Variants in NUP153 observed in about 807,000 individuals in gnomAD.
The protein encoded by NUP153 is nuclear pore complex protein Nup153.
NUP153 carries 27 observed loss-of-function variants against 134.6 expected under a neutral mutation model. That is an observed-to-expected ratio of 0.20 (90% CI 0.15 to 0.28). The LOEUF (loss-of-function observed/expected upper bound fraction) is 0.28, where lower values mean the gene tolerates loss of function less well. Ranked by LOEUF, NUP153 falls within the 10% of genes least tolerant of loss-of-function variation. The pLI, the probability that NUP153 is intolerant of heterozygous loss-of-function variation, is 1.00. For synonymous variants in NUP153, 640 were observed against 623.5 expected, an observed-to-expected ratio of 1.03 and a Z score of -0.40; for missense variants, 1,821 against 1,731.3, an observed-to-expected ratio of 1.05 and a Z score of -0.92.
Position 17,624,455 on chromosome 6 carries a change from G to T in NUP153, c.4174+106C>A. 2 of 1,084,264 alleles carry T rather than the reference G, an allele frequency of 1.8e-6. 1 individual carries two copies. Among genetic ancestry groups the T allele is most frequent in the Non-Finnish European group, 2.7e-6 (2 of 741,538 alleles). The allele number at this position is 1,084,264 out of a possible 1,614,324, so 67.2% of individuals were successfully genotyped here. A position where few individuals can be genotyped will look rare whatever the true frequency, so the allele number is the denominator to read the frequency against. On this transcript the variant is annotated intron_variant, in intron 20 of 21. Transcript: ENST00000262077. ...TACCTCTCTATTCTGCCAAGTACAA[G>T]AGATAATTTTAAAATTAGACATATG...
At chr6:17,684,827 A>G (rs1768811926) in intron 2 of NUP153, among the ~76,000 whole-genome samples, 2 of 152,230 alleles carry the variant, frequency 1.3e-5, no homozygotes, top group African/African-American at 2.4e-5. Context: ...AGGCCCAGAA[A>G]GAGGGAGAAA....
At chr6:17,673,262 A>G (rs775990436) in intron 5 of NUP153, among the ~76,000 whole-genome samples, 6 of 152,032 alleles carry the variant, frequency 3.9e-5, no homozygotes, top group Non-Finnish European at 8.8e-5. Flanking sequence ...CCAGCTACTC[A>G]GGAGGCTGAC....
Position 17,637,148 on chromosome 6 carries a change from C to T in NUP153, c.2464+5G>A, listed in dbSNP as rs201774934. 1,335 of 1,597,178 alleles carry T rather than the reference C, an allele frequency of 8.4e-4. 2 individuals carry two copies. The highest frequency in any genetic ancestry group is 1.0e-3 in the Non-Finnish European group (1,204 of 1,168,246). On this transcript the variant is annotated splice_donor_5th_base_variant and intron_variant, in intron 16 of 21. Coordinates refer to ENST00000262077, the MANE Select transcript of NUP153 (RefSeq NM_005124.4). Reference sequence around the variant, plus strand: ...CAAAATTACTCCATAAAGCCAAAAACATACCTGGTTTCTCAGACATACAGG... The same window carrying T: ...CAAAATTACTCCATAAAGCCAAAAATATACCTGGTTTCTCAGACATACAGG...
chr6:17,654,861 G>A (rs1766717931), intron 11 of NUP153, among the ~76,000 whole-genome samples: 1 of 146,484 alleles, frequency 6.8e-6, no homozygotes, highest in African/African-American at 2.4e-5. Flanking sequence ...AAGTAAGGCA[G>A]GGAGATATAT....
intron 5 of NUP153, among the ~76,000 whole-genome samples, chr6:17,672,674 T>TA (rs561562138): frequency 3.0e-4 from 46 of 151,760 alleles, no homozygotes; most frequent in Non-Finnish European, 4.9e-4. Context: ...ACCCATATGT[T>TA]AAAAAAACAA....
intron 11 of NUP153, among the ~76,000 whole-genome samples, chr6:17,660,656 A>C (rs79237983): frequency 6.6e-6 from 1 of 152,080 alleles, no homozygotes; most frequent in African/African-American, 2.4e-5. Flanking sequence ...AGAAAACTCA[A>C]ATGTCCAAAA....
chr6:17,706,708 C>G lies in NUP153; in HGVS notation c.-321G>C, dbSNP rs1770527501. ...GCAGAGGACAGCACGAACAGTTCCC[C>G]GCGGTGCTGAGGCCTAACTCGACCG... On this transcript the variant is annotated 5_prime_UTR_variant, in exon 1 of 22. Coordinates refer to ENST00000262077, the MANE Select transcript of NUP153 (RefSeq NM_005124.4). This position sits in a 1 kb window ranked among gnomAD's most constrained non-coding sequence, Gnocchi z 5.9. The G allele has an allele frequency of 7.9e-6, 3 of 378,082 alleles. No individual in the cohort carries two copies. Among genetic ancestry groups the G allele is most frequent in the Non-Finnish European group, 1.4e-5 (3 of 206,934 alleles). 23.4% of individuals were successfully genotyped at this position (378,082 alleles called of 1,614,324 possible).
intron 9 of NUP153, among the ~76,000 whole-genome samples, chr6:17,663,833 T>C (rs545250088): frequency 6.6e-6 from 1 of 152,304 alleles, no homozygotes; most frequent in Non-Finnish European, 1.5e-5. Flanking sequence ...ACCCAGATTA[T>C]GGGACATTTT....
Position 17,661,744 on chromosome 6 carries a change from G to A in NUP153, c.1304C>T (p.Ala435Val), listed in dbSNP as rs1767198208. Residue 435 changes from alanine to valine, a missense_variant, in exon 11 of 22, where the codon GCC becomes GTC. By Grantham distance (64) the Ala-to-Val change is moderately conservative. Coordinates refer to ENST00000262077, the MANE Select transcript of NUP153 (RefSeq NM_005124.4). ...ACCTACTCCAGAAGATAAACCATTG[G>A]CTGCAGGCAAACTGAAATTTGGATA... The part of the protein sequence containing the change: ...FSYPNFSLPA[A>V]NGLSSGVGGG... 1.2e-6 allele frequency: 2 copies of A among 1,612,484 alleles called. No homozygotes were observed. Among genetic ancestry groups the A allele is most frequent in the Non-Finnish European group, 1.7e-6 (2 of 1,179,580 alleles).
intron 14 of NUP153, among the ~76,000 whole-genome samples, chr6:17,641,707 T>G (rs970562452): frequency 6.6e-6 from 1 of 151,620 alleles, no homozygotes; most frequent in Non-Finnish European, 1.5e-5. Flanking sequence ...CAAAACAAAT[T>G]AGCCGGGCGT....
intron 18 of NUP153, 138 bp from the exon 19 acceptor site, chr6:17,626,302 T>C (rs747512411): frequency 1.6e-6 from 1 of 626,432 alleles, no homozygotes; most frequent in Non-Finnish European, 2.8e-6. Flanking sequence ...GATTACTTCA[T>C]CAAATGGACA....
At position 17,638,015 on chromosome 6, in the gene NUP153, G is replaced by C. The variant is rs1765650945; in HGVS notation, c.1847-245C>G. ...ACAGGATATCACCTTCTCCTTCAAG[G>C]AATTTCTAGTTTGATGCTTTCAATG... On this transcript the variant is annotated intron_variant, in intron 15 of 21. Transcript: ENST00000262077. This position sits in a 1 kb window ranked among gnomAD's most constrained non-coding sequence, Gnocchi z 4.0. Among the ~76,000 whole-genome samples, 1 of 152,082 alleles carries C rather than the reference G, an allele frequency of 6.6e-6. No individual in the cohort carries two copies. Among genetic ancestry groups the C allele is most frequent in the Non-Finnish European group, 1.5e-5 (1 of 68,012 alleles).
At position 17,665,326 on chromosome 6, in the gene NUP153, T is replaced by G; in HGVS notation, c.1128A>C (p.Ala376=). ...GTTTAAAATAAACACTTCGATTTGT[T>G]GCTATGGAAACTGGCTTTGGGGTCA... ...RLMTPKPVSI[A]TNRSVYFKPS... The change falls in exon 9 of 22, where the codon GCA becomes GCC. Residue 376 remains alanine (A), a synonymous_variant. Transcript: ENST00000262077. The G allele has an allele frequency of 6.2e-7, 1 of 1,613,578 alleles. No individual in the cohort carries two copies. Among genetic ancestry groups the G allele is most frequent in the Non-Finnish European group, 8.5e-7 (1 of 1,179,598 alleles).
chr6:17,639,808 C>T (rs1009886756), intron 15 of NUP153, 131 bp downstream of exon 15: 1 of 725,156 alleles, frequency 1.4e-6, no homozygotes, highest in Non-Finnish European at 2.2e-6. Flanking sequence ...CACCTAACTA[C>T]ATCTCTATTC....
In NUP153 at chr6:17,637,087, T is replaced by C. The variant is rs573725352; in HGVS notation, c.2464+66A>G. Reference sequence around the variant, plus strand: ...CCTGAAACATCTAAAACAAGGATTCTTAGAATAAATTAAACTGTTCAACAG... The same window carrying C: ...CCTGAAACATCTAAAACAAGGATTCCTAGAATAAATTAAACTGTTCAACAG... On this transcript the variant is annotated intron_variant, in intron 16 of 21. Coordinates refer to ENST00000262077, the MANE Select transcript of NUP153 (RefSeq NM_005124.4). 14 of 1,421,356 alleles carry C rather than the reference T, an allele frequency of 9.8e-6. No individual in the cohort carries two copies. In the East Asian group the frequency reaches 3.2e-4, roughly 33 times the overall value. 88.0% of individuals were successfully genotyped at this position (1,421,356 alleles called of 1,614,324 possible). A position where few individuals can be genotyped will look rare whatever the true frequency, so the allele number is the denominator to read the frequency against.
At chr6:17,623,637 T>C (rs997389441) in intron 20 of NUP153, among the ~76,000 whole-genome samples, 2 of 152,150 alleles carry the variant, frequency 1.3e-5, no homozygotes, top group Non-Finnish European at 2.9e-5. Context: ...CTGAAACATA[T>C]GTCAACAGTA....
rs143231903 is a variant in NUP153, at chr6:17,691,626, A to G, written c.112-3008T>C. ...CTAAAAATACAAAAATTAGCCAGGC[A>G]TGATGGTGCATGCCTGTAATCCCAG... On this transcript the variant is annotated intron_variant, in intron 1 of 21. Coordinates refer to ENST00000262077, the MANE Select transcript of NUP153 (RefSeq NM_005124.4). Among the ~76,000 whole-genome samples the G allele has an allele frequency of 4.7e-4, 72 of 152,248 alleles. 1 individual carries two copies. Among genetic ancestry groups the G allele is most frequent in the African/African-American group, 1.6e-3 (68 of 41,550 alleles).
intron 11 of NUP153, among the ~76,000 whole-genome samples, chr6:17,660,741 GAGAA>G (rs1483229164): frequency 1.3e-5 from 2 of 152,106 alleles, no homozygotes; most frequent in African/African-American, 4.8e-5. Flanking sequence ...CTATCTTGAA[GAGAA>G]AACATGGCAA....
At chr6:17,701,155 G>A (rs998224963) in intron 1 of NUP153, among the ~76,000 whole-genome samples, 2 of 151,848 alleles carry the variant, frequency 1.3e-5, no homozygotes, top group African/African-American at 4.8e-5. Context: ...AACCCAGGAG[G>A]TGGAGGTTGC....
Sources: allele counts gnomAD v4.1 joint callset (sites outside exome capture counted in the v4.1 genomes callset), GRCh38; gene constraint gnomAD v4.1.1; non-coding constraint Gnocchi (gnomAD v3.1); transcripts MANE v1.5; gene names NCBI Gene and HGNC (gene_info 2026-07-23, HGNC 2026-07-21).